The following TM9SF4 variants were observed in gnomAD, a reference collection of about 807,000 sequenced individuals.
TM9SF4 encodes the protein dinucleotide oxidase disulfide thiol exchanger 3 superfamily member 4.
A neutral mutation model predicts 90.4 loss-of-function variants in TM9SF4; 26 were observed. That is an observed-to-expected ratio of 0.29 (90% confidence interval 0.21 to 0.40). TM9SF4 has a LOEUF of 0.40. TM9SF4 is among the 10% of genes least tolerant of loss of function. The pLI is 1.00. For synonymous variants in TM9SF4, 293 were observed against 315.4 expected (o/e 0.93, Z 0.75); for missense variants, 549 against 834.8 (o/e 0.66, Z 4.22).
chr20:32,126,214 A>G lies in TM9SF4; in HGVS notation c.16-6799A>G, dbSNP rs77439862. Among the ~76,000 whole-genome samples, 9 of 152,260 alleles carry G rather than the reference A, an allele frequency of 5.9e-5. No individual in the cohort carries two copies. The East Asian group carries it at 1.7e-3, about 29-fold the overall frequency. ...GAACAAAGCCCAACACTTGCTACTC[A>G]TAGGATGGTCCATGAACCAAAAGTG... On this transcript the variant is annotated intron_variant, in intron 1 of 17. Coordinates refer to ENST00000398022, the MANE Select transcript of TM9SF4 (RefSeq NM_014742.4).
intron 1 of TM9SF4, among the ~76,000 whole-genome samples, chr20:32,113,278 G>A (rs571441188): frequency 2.0e-5 from 3 of 152,286 alleles, no homozygotes; most frequent in Admixed American, 2.0e-4. Context: ...CAAGGGTTGA[G>A]CCGCCAGCTC....
intron 1 of TM9SF4, among the ~76,000 whole-genome samples, chr20:32,122,549 G>T (rs2046339285): frequency 6.7e-6 from 1 of 149,656 alleles, no homozygotes; most frequent in South Asian, 2.1e-4. Context: ...GGGCAGAGGC[G>T]CTCCTCACAT....
rs1389687426 is a variant in TM9SF4, at chr20:32,157,953, A to T, written c.1489A>T (p.Met497Leu). Residue 497 changes from methionine to leucine, a missense_variant, in exon 14 of 18, where the codon ATG becomes TTG. Met to Leu is a conservative substitution (Grantham distance 15). Transcript: ENST00000398022. ...GCAGATCCCCGAGCAGCGGTGGTAC[A>T]TGAACCGATTTGTGGGGTGAGTCCT... ...PRQIPEQRWY[M>L]NRFVGILMAG... is the part of the protein sequence containing the mutation. 6.2e-7 allele frequency: 1 copy of T among 1,614,116 alleles called. No individual in the cohort carries two copies.
chr20:32,144,219 C>G (rs1027624801), intron 6 of TM9SF4, among the ~76,000 whole-genome samples: 1 of 152,188 alleles, frequency 6.6e-6, no homozygotes, highest in East Asian at 1.9e-4. Flanking sequence ...GCTTGGATTA[C>G]AGGCGTGAGC....
At chr20:32,128,035 T>G (rs1033846425) in intron 1 of TM9SF4, among the ~76,000 whole-genome samples, 23 of 152,246 alleles carry the variant, frequency 1.5e-4, no homozygotes, top group African/African-American at 5.5e-4. Flanking sequence ...TTCAAATTCA[T>G]GTTCTTTTTT....
intron 1 of TM9SF4, among the ~76,000 whole-genome samples, chr20:32,124,308 C>T (rs978998630): frequency 4.6e-5 from 7 of 152,226 alleles, no homozygotes; most frequent in African/African-American, 1.4e-4. Flanking sequence ...ACAAGTGAGA[C>T]AAACAATCAG....
Position 32,149,711 on chromosome 20 carries a change from C to T in TM9SF4, c.1032C>T (p.Leu344=), listed in dbSNP as rs2046814532. ...VFRPPQYPMI[L]SSLLGSGIQL... is the part of the protein sequence containing the mutation. ...GGCCCCCCCAGTACCCCATGATCCT[C>T]AGCTCCCTGCTGGGCTCAGGCATTC... is the stretch of plus-strand genomic sequence containing the variant. The change falls in exon 10 of 18, where the codon CTC becomes CTT. Residue 344 remains leucine (L), a synonymous_variant. Coordinates refer to ENST00000398022, the MANE Select transcript of TM9SF4 (RefSeq NM_014742.4). The T allele has an allele frequency of 2.5e-6, 4 of 1,614,228 alleles. No individual in the cohort carries two copies. Among genetic ancestry groups the T allele is most frequent in the Non-Finnish European group, 1.7e-6 (2 of 1,180,038 alleles).
intron 12 of TM9SF4, 130 bp from the exon 13 acceptor site, chr20:32,154,973 G>A: frequency 1.4e-6 from 1 of 717,230 alleles, no homozygotes; most frequent in Admixed American, 2.2e-5. Flanking sequence ...AATACTTTCT[G>A]GAAGGAATGA....
intron 10 of TM9SF4, among the ~76,000 whole-genome samples, chr20:32,149,978 C>T (rs2046818543): frequency 6.6e-6 from 1 of 152,200 alleles, no homozygotes. Flanking sequence ...CAGCCATTTA[C>T]AGAGCCCACC....
At chr20:32,163,118 C>T (rs944831536) in intron 17 of TM9SF4, among the ~76,000 whole-genome samples, 1 of 151,370 alleles carries the variant, frequency 6.6e-6, no homozygotes, top group African/African-American at 2.4e-5. Flanking sequence ...TGGTGGTGCA[C>T]GTCTGTAGTC....
At chr20:32,115,128 C>T (rs1030213533) in intron 1 of TM9SF4, among the ~76,000 whole-genome samples, 1 of 152,178 alleles carries the variant, frequency 6.6e-6, no homozygotes, top group Admixed American at 6.5e-5. Flanking sequence ...TCTGCAGGAG[C>T]TACTGTGTCC....
At position 32,143,295 on chromosome 20, in the gene TM9SF4, T is replaced by A. The variant is rs567679058; in HGVS notation, c.652+190T>A. Among the ~76,000 whole-genome samples the A allele has an allele frequency of 2.6e-5, 4 of 152,318 alleles. No homozygotes were observed. The East Asian group carries it at 7.7e-4, about 29-fold the overall frequency. On this transcript the variant is annotated intron_variant, in intron 6 of 17. Coordinates refer to ENST00000398022, the MANE Select transcript of TM9SF4 (RefSeq NM_014742.4). ...GTGGGGGCAGCTGACAGCTGCAGTGTCACGGGCTAGACACCTTACTAGTTT... is the reference window on the plus strand; with the variant it reads ...GTGGGGGCAGCTGACAGCTGCAGTGACACGGGCTAGACACCTTACTAGTTT...
rs746585133 is a variant in TM9SF4, at chr20:32,145,439, G to A, written c.883+16G>A. Reference sequence around the variant, plus strand: ...TTCCTGTCAGGTGAGAGATCTGTGGGTTGAGGGAAAGGGGATGGGGGTTGG... The same window carrying A: ...TTCCTGTCAGGTGAGAGATCTGTGGATTGAGGGAAAGGGGATGGGGGTTGG... On this transcript the variant is annotated intron_variant, in intron 8 of 17. Transcript: ENST00000398022. 1 of 1,609,946 alleles carries A rather than the reference G, an allele frequency of 6.2e-7. No individual in the cohort carries two copies. Among genetic ancestry groups the A allele is most frequent in the Admixed American group, 1.7e-5 (1 of 60,000 alleles).
chr20:32,137,314 G>A (rs376284895), intron 3 of TM9SF4, among the ~76,000 whole-genome samples: 1 of 152,172 alleles, frequency 6.6e-6, no homozygotes, highest in Non-Finnish European at 1.5e-5. Flanking sequence ...CTGATATCAG[G>A]CCCCTCACAA....
chr20:32,163,891 G>A (rs952243640), intron 17 of TM9SF4, among the ~76,000 whole-genome samples: 13 of 152,160 alleles, frequency 8.5e-5, no homozygotes, highest in African/African-American at 1.4e-4. Flanking sequence ...GATTACAGGC[G>A]TGAGCCACCG....
chr20:32,164,868 T>G (rs2047077394), intron 17 of TM9SF4, among the ~76,000 whole-genome samples: 1 of 152,108 alleles, frequency 6.6e-6, no homozygotes, highest in Admixed American at 6.5e-5. Context: ...TGACAAGCAT[T>G]CTGGGGAAGA....
intron 1 of TM9SF4, among the ~76,000 whole-genome samples, chr20:32,122,001 C>T (rs1408012842): frequency 2.8e-5 from 4 of 143,336 alleles, no homozygotes; most frequent in Admixed American, 1.4e-4. Context: ...ACCTCCCTCC[C>T]GGACAGGGTG....
rs999428387 is a variant in TM9SF4, at chr20:32,152,214, C to T, written c.1245+1339C>T. On this transcript the variant is annotated intron_variant, in intron 12 of 17. Transcript: ENST00000398022. ...GATTTGAGCATTTTTCTCTGGCCAC[C>T]ATATGCCAAGAGCCAGGGATCTAGA... Among the ~76,000 whole-genome samples the T allele has an allele frequency of 2.0e-5, 3 of 152,048 alleles. No homozygotes were observed. In the South Asian group the frequency reaches 6.2e-4, roughly 32 times the overall value.
intron 8 of TM9SF4, among the ~76,000 whole-genome samples, chr20:32,145,842 A>G (rs1569088098): frequency 6.6e-6 from 1 of 152,218 alleles, no homozygotes; most frequent in Non-Finnish European, 1.5e-5. Flanking sequence ...GATACATTCT[A>G]TGAAGCAGAT....
Sources: gnomAD v4.1 joint callset for allele counts (sites outside exome capture counted in the v4.1 genomes callset) on GRCh38, gnomAD v4.1.1 for gene constraint, MANE v1.5 for transcripts, NCBI Gene and HGNC (gene_info 2026-07-23, HGNC 2026-07-21) for gene names.